RNF17: variants seen among roughly 807,000 people sequenced by gnomAD.
RNF17 encodes ring finger protein 17.
A neutral mutation model predicts 200.5 loss-of-function variants in RNF17; 31 were observed. That is an observed-to-expected ratio of 0.15 (90% CI 0.12 to 0.21). The LOEUF (loss-of-function observed/expected upper bound fraction) is 0.21, where lower values mean the gene tolerates loss of function less well. Among genes scored for constraint, RNF17 ranks in the 10% least tolerant of loss-of-function variants. The pLI, the probability that RNF17 is intolerant of heterozygous loss-of-function variation, is 1.00. For missense variants in RNF17, 1,628 were observed against 1,905.1 expected, an observed-to-expected ratio of 0.85 and a Z score of 2.71; for synonymous variants, 606 against 637.8, an observed-to-expected ratio of 0.95 and a Z score of 0.75.
chr13:24,766,766 A>G (rs987311717), intron 1 of RNF17, among the ~76,000 whole-genome samples: 4 of 152,260 alleles, frequency 2.6e-5, no homozygotes, highest in African/African-American at 9.6e-5. Flanking sequence ...TTTACAAATA[A>G]CAAATAAAAT....
At chr13:24,791,226 C>T (rs894528969) in intron 9 of RNF17, among the ~76,000 whole-genome samples, 1 of 152,124 alleles carries the variant, frequency 6.6e-6, no homozygotes, top group Admixed American at 6.6e-5. Flanking sequence ...TCAGTAGACT[C>T]AGCAACTCAT....
chr13:24,812,829 C>G (rs1886888794), intron 15 of RNF17, among the ~76,000 whole-genome samples: 1 of 151,884 alleles, frequency 6.6e-6, no homozygotes, highest in Non-Finnish European at 1.5e-5. Flanking sequence ...CTACGGGTGC[C>G]TGCCACCACG....
At chr13:24,872,561 G>C (rs1190802300) in intron 32 of RNF17, among the ~76,000 whole-genome samples, 1 of 151,884 alleles carries the variant, frequency 6.6e-6, no homozygotes, top group East Asian at 1.9e-4. Context: ...GTATTTGCTT[G>C]TATCAGGTAC....
intron 4 of RNF17, among the ~76,000 whole-genome samples, chr13:24,778,757 G>T (rs1881937598): frequency 6.6e-6 from 1 of 152,094 alleles, no homozygotes; most frequent in Non-Finnish European, 1.5e-5. Flanking sequence ...CAACCAAAAG[G>T]CCTAATTATG....
intron 24 of RNF17, among the ~76,000 whole-genome samples, chr13:24,852,846 G>A (rs1892087928): frequency 6.6e-6 from 1 of 152,174 alleles, no homozygotes; most frequent in Admixed American, 6.5e-5. Flanking sequence ...AGGCGGCGGT[G>A]GGTTGGGGGA....
the RNF17 span, among the ~76,000 whole-genome samples, chr13:24,749,916 A>T: frequency 6.6e-6 from 1 of 151,934 alleles, no homozygotes; most frequent in African/African-American, 2.4e-5. Flanking sequence ...CACCCAGCTA[A>T]TTTTTTTGTA....
chr13:24,758,265 C>A, the RNF17 span, among the ~76,000 whole-genome samples: 1 of 152,132 alleles, frequency 6.6e-6, no homozygotes, highest in Non-Finnish European at 1.5e-5. Flanking sequence ...GCCCTTTATT[C>A]TTTATTGATT....
At chr13:24,851,307 G>A (rs921958630) in intron 23 of RNF17, 149 bp from the exon 24 acceptor site, 1 of 648,400 alleles carries the variant, frequency 1.5e-6, no homozygotes, top group Non-Finnish European at 2.7e-6. Context: ...TGCTATTTTT[G>A]GATGTGTTTA....
chr13:24,801,141 G>C (rs1169901302), intron 13 of RNF17, among the ~76,000 whole-genome samples: 1 of 152,028 alleles, frequency 6.6e-6, no homozygotes, highest in African/African-American at 2.4e-5. Flanking sequence ...CACAAAAATA[G>C]CAGCACTGGT....
intron 15 of RNF17, among the ~76,000 whole-genome samples, chr13:24,821,383 T>G (rs1267487460): frequency 1.3e-5 from 2 of 152,226 alleles, no homozygotes; most frequent in African/African-American, 2.4e-5. Context: ...CTTCTTGGAT[T>G]TGTAGGTTCA....
At position 24,819,391 on chromosome 13, in the gene RNF17, TTGTA is replaced by T. The variant is rs532772200; in HGVS notation, c.2092-6222_2092-6219del. Among the ~76,000 whole-genome samples the T allele has an allele frequency of 3.7e-3, 559 of 152,336 alleles. 2 individuals are homozygous for T. Among genetic ancestry groups the T allele is most frequent in the Middle Eastern group, 0.017 (5 of 294 alleles). On this transcript the variant is annotated intron_variant, in intron 15 of 35. Coordinates refer to ENST00000255324, the MANE Select transcript of RNF17 (RefSeq NM_031277.3). Reference sequence around the variant, plus strand: ...TATTTTAAGGCTGAATAATACTTCTTTGTATGTATATACTGCATTTTAAAAATCC... The same window carrying T: ...TATTTTAAGGCTGAATAATACTTCTTTGTATATACTGCATTTTAAAAATCC...
chr13:24,748,728 T>G, the RNF17 span, among the ~76,000 whole-genome samples: 40 of 148,526 alleles, frequency 2.7e-4, no homozygotes, highest in East Asian at 1.2e-3. Flanking sequence ...GTTTTTGTTG[T>G]TGGTGGTGGT....
At chr13:24,840,420 C>T (rs1056618939) in intron 18 of RNF17, among the ~76,000 whole-genome samples, 3 of 152,198 alleles carry the variant, frequency 2.0e-5, no homozygotes, top group African/African-American at 7.2e-5. Context: ...AAGACACTTG[C>T]ACACGCATGT....
At position 24,831,769 on chromosome 13, in the gene RNF17, TTAG is replaced by T. The variant is rs1378714847; in HGVS notation, c.2362-87_2362-85del. ...TATGTATGAAATTCAAACATAAAGA[TTAG>T]TTTTGTACACACTTAATAAAACTTG... On this transcript the variant is annotated intron_variant, in intron 17 of 35. Coordinates refer to ENST00000255324, the MANE Select transcript of RNF17 (RefSeq NM_031277.3). 4 of 1,111,180 alleles carry T rather than the reference TTAG, an allele frequency of 3.6e-6. No homozygotes were observed. The African/African-American group carries it at 4.8e-5, about 13-fold the overall frequency. 68.8% of individuals were successfully genotyped at this position (1,111,180 alleles called of 1,614,324 possible).
intron 27 of RNF17, among the ~76,000 whole-genome samples, chr13:24,862,128 C>T (rs1054261845): frequency 6.6e-6 from 1 of 152,166 alleles, no homozygotes; most frequent in Non-Finnish European, 1.5e-5. Flanking sequence ...GTTCCTCTCT[C>T]GACACATGGG....
intron 15 of RNF17, among the ~76,000 whole-genome samples, chr13:24,811,815 T>A (rs1248502739): frequency 6.6e-6 from 1 of 151,994 alleles, no homozygotes; most frequent in South Asian, 2.1e-4. Flanking sequence ...TACAGATGGG[T>A]TTTTGGTGTG....
intron 15 of RNF17, among the ~76,000 whole-genome samples, chr13:24,811,011 A>C (rs188951383): frequency 6.6e-6 from 1 of 151,578 alleles, no homozygotes; most frequent in African/African-American, 2.4e-5. Context: ...CGAGAGATCC[A>C]CTGTTAGTCT....
At chr13:24,845,417 G>A (rs1425096652) in intron 22 of RNF17, among the ~76,000 whole-genome samples, 3 of 152,142 alleles carry the variant, frequency 2.0e-5, no homozygotes, top group African/African-American at 7.2e-5. Flanking sequence ...AGGATTCTGG[G>A]AAAATGACAG....
At position 24,802,305 on chromosome 13, in the gene RNF17, C is replaced by G. The variant is rs1885350302; in HGVS notation, c.1759-76C>G. ...TTCGCAGTTGCGTCTGTGGTTGGTACAAACCTAAATCCAGAACATTGTAAC... is the reference window on the plus strand; with the variant it reads ...TTCGCAGTTGCGTCTGTGGTTGGTAGAAACCTAAATCCAGAACATTGTAAC... On this transcript the variant is annotated intron_variant, in intron 13 of 35. Transcript: ENST00000255324. 11 of 1,356,666 alleles carry G rather than the reference C, an allele frequency of 8.1e-6. No individual in the cohort carries two copies. The South Asian group carries it at 1.6e-4, about 19-fold the overall frequency. The allele number at this position is 1,356,666 out of a possible 1,614,324, so 84.0% of individuals were successfully genotyped here. A position where few individuals can be genotyped will look rare whatever the true frequency, so the allele number is the denominator to read the frequency against.
Sources: allele counts gnomAD v4.1 joint callset (sites outside exome capture counted in the v4.1 genomes callset), GRCh38; gene constraint gnomAD v4.1.1; transcripts MANE v1.5; gene names NCBI Gene and HGNC (gene_info 2026-07-23, HGNC 2026-07-21).